The following NALCN variants were observed in gnomAD, a reference collection of about 807,000 sequenced individuals.
NALCN encodes the protein sodium leak channel, non-selective.
NALCN carries 111 observed loss-of-function variants against 225.3 expected under a neutral mutation model. The observed-to-expected ratio is 0.49, with a 90% CI of 0.42 to 0.58. The LOEUF (loss-of-function observed/expected upper bound fraction) is 0.58, where lower values mean the gene tolerates loss of function less well. Ranked by LOEUF, NALCN falls within the 20% of genes least tolerant of loss-of-function variation. The pLI is 0.00. For missense variants in NALCN, 1,378 were observed against 2,202.4 expected (o/e 0.63, Z 7.49); for synonymous variants, 764 against 769.0 (o/e 0.99, Z 0.11).
chr13:101,368,377 C>T (rs944245595), intron 6 of NALCN, among the ~76,000 whole-genome samples: 3 of 152,038 alleles, frequency 2.0e-5, no homozygotes, highest in Admixed American at 2.0e-4. Flanking sequence ...TGTATATGTG[C>T]CACATTTTCT....
At chr13:101,149,480 C>G (rs1368254177) in intron 15 of NALCN, among the ~76,000 whole-genome samples, 1 of 152,176 alleles carries the variant, frequency 6.6e-6, no homozygotes, top group Non-Finnish European at 1.5e-5. Context: ...AAAGCTTGTA[C>G]GCTCCTTAGG....
At chr13:101,187,949 A>G (rs984686903) in intron 14 of NALCN, among the ~76,000 whole-genome samples, 1 of 152,184 alleles carries the variant, frequency 6.6e-6, no homozygotes, top group Non-Finnish European at 1.5e-5. Flanking sequence ...CACAGGTTGT[A>G]TAATACAGGT....
At chr13:101,208,150 T>C (rs545961374) in intron 13 of NALCN, among the ~76,000 whole-genome samples, 24 of 151,944 alleles carry the variant, frequency 1.6e-4, no homozygotes, top group African/African-American at 5.8e-4. Context: ...ACCACGAAGG[T>C]CTGCAGCTTC....
intron 12 of NALCN, among the ~76,000 whole-genome samples, chr13:101,233,357 G>A (rs986275685): frequency 3.7e-5 from 2 of 53,756 alleles, no homozygotes; most frequent in Non-Finnish European, 7.4e-5. Context: ...TTTTTTTTTT[G>A]TGAGACGGAG....
At chr13:101,401,861 T>C (rs1055729744) in intron 1 of NALCN, among the ~76,000 whole-genome samples, 3 of 152,218 alleles carry the variant, frequency 2.0e-5, no homozygotes, top group Non-Finnish European at 4.4e-5. Flanking sequence ...AGATTTAATT[T>C]AATACTATTA....
intron 17 of NALCN, among the ~76,000 whole-genome samples, chr13:101,142,556 G>GA (rs2139784975): frequency 1.3e-5 from 2 of 152,174 alleles, no homozygotes; most frequent in Admixed American, 1.3e-4. Context: ...TGTGGAATCT[G>GA]AAAAAAATTT....
intron 13 of NALCN, among the ~76,000 whole-genome samples, chr13:101,220,924 GA>G (rs140385429): frequency 1.1e-4 from 16 of 149,442 alleles, no homozygotes; most frequent in South Asian, 4.2e-4. Flanking sequence ...AAATGCAGAA[GA>G]AAAAAAAACA....
chr13:101,080,380 G>A (rs906922676), intron 34 of NALCN, among the ~76,000 whole-genome samples: 7 of 151,596 alleles, frequency 4.6e-5, no homozygotes, highest in Non-Finnish European at 7.4e-5. Context: ...CAGATACAAG[G>A]ATACTACTTA....
At chr13:101,279,679 T>C (rs1336891566) in intron 10 of NALCN, among the ~76,000 whole-genome samples, 6 of 148,484 alleles carry the variant, frequency 4.0e-5, no homozygotes, top group East Asian at 2.0e-4. Context: ...TAGCCGGGCG[T>C]AGTGGCGGGC....
chr13:101,173,878 A>C (rs2038850545), intron 15 of NALCN, among the ~76,000 whole-genome samples: 1 of 152,322 alleles, frequency 6.6e-6, no homozygotes, highest in African/African-American at 2.4e-5. Context: ...TGTAAAAGAC[A>C]GTCTAAAGTT....
At chr13:101,098,147 C>T (rs2034616558) in intron 27 of NALCN, among the ~76,000 whole-genome samples, 1 of 152,120 alleles carries the variant, frequency 6.6e-6, no homozygotes, top group African/African-American at 2.4e-5. Flanking sequence ...AAGGTCCTTT[C>T]CTGCTCATCT....
chr13:101,378,547 T>C (rs1190775113), intron 4 of NALCN, 23 bp downstream of exon 4: 1 of 1,575,872 alleles, frequency 6.3e-7, no homozygotes, highest in Non-Finnish European at 8.6e-7. Context: ...TACCTGCTTG[T>C]AATTTAAAAA....
chr13:101,258,060 T>C (rs1166991344), intron 11 of NALCN, among the ~76,000 whole-genome samples: 2 of 152,194 alleles, frequency 1.3e-5, no homozygotes, highest in East Asian at 1.9e-4. Context: ...CTTCTACGTA[T>C]TGCTGAGCTG....
Position 101,356,684 on chromosome 13 carries a change from T to C in NALCN, c.645-11264A>G, listed in dbSNP as rs570877793. 1.2e-4 allele frequency among the ~76,000 whole-genome samples: 18 copies of C among 152,312 alleles called. No individual in the cohort carries two copies. In the East Asian group the frequency reaches 2.3e-3, roughly 20 times the overall value. On this transcript the variant is annotated intron_variant, in intron 6 of 43. Coordinates refer to ENST00000251127, the MANE Select transcript of NALCN (RefSeq NM_052867.4). ...AGGGACTCCTTCCTAACTCATTTTATGAGGTCAGCATCATCCCGATACGAA... is the reference window on the plus strand; with the variant it reads ...AGGGACTCCTTCCTAACTCATTTTACGAGGTCAGCATCATCCCGATACGAA...
intron 18 of NALCN, among the ~76,000 whole-genome samples, chr13:101,113,921 A>C (rs1231977354): frequency 6.6e-6 from 1 of 152,160 alleles, no homozygotes; most frequent in Non-Finnish European, 1.5e-5. Flanking sequence ...TAGGAAGTTC[A>C]GTTTCTGGCC....
chr13:101,380,398 A>C (rs993534313), intron 3 of NALCN, among the ~76,000 whole-genome samples: 1 of 152,164 alleles, frequency 6.6e-6, no homozygotes, highest in Non-Finnish European at 1.5e-5. Context: ...ATAACATGGG[A>C]ATTTAAAAAA....
chr13:101,294,313 C>T (rs1368933679), intron 7 of NALCN, among the ~76,000 whole-genome samples: 1 of 152,096 alleles, frequency 6.6e-6, no homozygotes, highest in Non-Finnish European at 1.5e-5. Context: ...TTCAAAATAG[C>T]TAGCAGAGAG....
At chr13:101,100,943 T>C in intron 26 of NALCN, 55 bp from the exon 27 acceptor site, 11 of 1,421,510 alleles carry the variant, frequency 7.7e-6, no homozygotes, top group Non-Finnish European at 1.1e-5. Flanking sequence ...ATATTAGGTT[T>C]GGTTTAAACA....
At chr13:101,117,171 A>G (rs1304853179) in intron 18 of NALCN, among the ~76,000 whole-genome samples, 1 of 152,236 alleles carries the variant, frequency 6.6e-6, no homozygotes, top group Non-Finnish European at 1.5e-5. Flanking sequence ...AGGCATGTAA[A>G]TACATGGGCG....
Sources: gnomAD v4.1 joint callset for allele counts (sites outside exome capture counted in the v4.1 genomes callset) on GRCh38, gnomAD v4.1.1 for gene constraint, MANE v1.5 for transcripts, NCBI Gene and HGNC (gene_info 2026-07-23, HGNC 2026-07-21) for gene names.